Variants in TM9SF3 observed in about 807,000 individuals in gnomAD.
The protein encoded by TM9SF3 is SM-11044-binding protein.
Under a neutral mutation model 78.6 loss-of-function variants are expected in TM9SF3, and 14 were observed. The ratio of observed to expected loss-of-function variants is 0.18; its 90% CI spans 0.12 to 0.28. The LOEUF is 0.28. Among genes scored for constraint, TM9SF3 ranks in the 10% least tolerant of loss-of-function variants. The pLI is 1.00. For missense variants in TM9SF3, 496 were observed against 721.9 expected, an observed-to-expected ratio of 0.69 and a Z score of 3.59; for synonymous variants, 231 against 241.7, an observed-to-expected ratio of 0.96 and a Z score of 0.41.
At chr10:96,526,489 T>C (rs1847839591) in intron 14 of TM9SF3, among the ~76,000 whole-genome samples, 1 of 152,172 alleles carries the variant, frequency 6.6e-6, no homozygotes, top group Non-Finnish European at 1.5e-5. Context: ...TCATACTGTT[T>C]CCAAAAGTTC....
intron 8 of TM9SF3, 39 bp downstream of exon 8, chr10:96,547,856 T>A: frequency 1.3e-6 from 2 of 1,493,420 alleles, no homozygotes; most frequent in South Asian, 1.2e-5. Context: ...AATATTAGCA[T>A]CTATAATTAA....
intron 6 of TM9SF3, 115 bp from the exon 7 acceptor site, chr10:96,551,526 A>C: frequency 3.2e-6 from 2 of 631,364 alleles, no homozygotes; most frequent in East Asian, 3.2e-5. Context: ...ATAGCTAAAG[A>C]AATACAAAAT....
rs530027393 is a variant in TM9SF3, at chr10:96,578,062, C to T, written c.103-1233G>A. 3.3e-5 allele frequency among the ~76,000 whole-genome samples: 5 copies of T among 152,304 alleles called. No individual in the cohort carries two copies. In the South Asian group the frequency reaches 1.0e-3, roughly 32 times the overall value. On this transcript the variant is annotated intron_variant, in intron 1 of 14. Transcript: ENST00000371142. ...GACTCAAACCCCAAATCTCTCTGCA[C>T]TCTAGGGAACCCAAAAACATTAACT... is the stretch of plus-strand genomic sequence containing the variant.
At chr10:96,543,501 AT>A (rs879628949) in intron 9 of TM9SF3, 157 of 145,554 alleles carry the variant, frequency 1.1e-3, no homozygotes, top group Non-Finnish European at 1.1e-3. Context: ...CACCTGGCTA[AT>A]TTTTTTTTTT....
intron 8 of TM9SF3, among the ~76,000 whole-genome samples, chr10:96,545,706 G>A (rs1266592860): frequency 4.6e-5 from 7 of 152,042 alleles, no homozygotes; most frequent in Non-Finnish European, 4.4e-5. Flanking sequence ...CCTGGCCAAC[G>A]TGGTGAAACT....
chr10:96,539,242 G>T (rs144750050), intron 9 of TM9SF3, among the ~76,000 whole-genome samples: 1 of 152,148 alleles, frequency 6.6e-6, no homozygotes, highest in Non-Finnish European at 1.5e-5. Flanking sequence ...AGGCCAAGAT[G>T]GGTGGATCAC....
At position 96,553,108 on chromosome 10, in the gene TM9SF3, A is replaced by G. The variant is rs778059505; in HGVS notation, c.661-49T>C. 5.9e-6 allele frequency: 9 copies of G among 1,520,028 alleles called. No homozygotes were observed. The South Asian group carries it at 1.2e-4, about 20-fold the overall frequency. 94.2% of individuals were successfully genotyped at this position (1,520,028 alleles called of 1,614,324 possible). On this transcript the variant is annotated intron_variant, in intron 5 of 14. Coordinates refer to ENST00000371142, the MANE Select transcript of TM9SF3 (RefSeq NM_020123.4). ...TTACCAACCTGCAATATCAGCCACA[A>G]AATTCATAGGTTCCATGAGGACAAC... is the stretch of plus-strand genomic sequence containing the variant.
chr10:96,581,815 G>A (rs1848572776), intron 1 of TM9SF3, among the ~76,000 whole-genome samples: 1 of 152,264 alleles, frequency 6.6e-6, no homozygotes, highest in Admixed American at 6.5e-5. Context: ...TATTTATGAG[G>A]CAGAGGCTGA....
intron 4 of TM9SF3, chr10:96,560,953 A>C (rs1328483955): frequency 2.1e-6 from 1 of 473,158 alleles, no homozygotes; most frequent in Non-Finnish European, 3.9e-6. Flanking sequence ...TGGTAAATTA[A>C]GCCCAAAGAT....
At chr10:96,545,123 CA>C (rs1848081748) in intron 8 of TM9SF3, among the ~76,000 whole-genome samples, 1 of 152,086 alleles carries the variant, frequency 6.6e-6, no homozygotes, top group African/African-American at 2.4e-5. Flanking sequence ...AAAAAATCTT[CA>C]ATTTTGCTCA....
rs776214823 is a variant in TM9SF3, at chr10:96,528,196, G to T, written c.1395-19C>A. On this transcript the variant is annotated intron_variant, in intron 11 of 14. Coordinates refer to ENST00000371142, the MANE Select transcript of TM9SF3 (RefSeq NM_020123.4). ...GAAATACCTAAGTAAATGCAATAAA[G>T]ACACAGGTTTCCAGTCTTTATTCTT... 6 of 1,600,140 alleles carry T rather than the reference G, an allele frequency of 3.7e-6. No homozygotes were observed. Among genetic ancestry groups the T allele is most frequent in the Non-Finnish European group, 5.1e-6 (6 of 1,172,330 alleles).
chr10:96,559,534 T>A (rs971487155), intron 5 of TM9SF3, 125 bp downstream of exon 5: 2 of 579,532 alleles, frequency 3.5e-6, no homozygotes, highest in African/African-American at 1.9e-5. Context: ...ATACTTTAAA[T>A]CACCATTAGC....
At chr10:96,572,566 G>A (rs535511608) in intron 2 of TM9SF3, among the ~76,000 whole-genome samples, 6 of 136,910 alleles carry the variant, frequency 4.4e-5, no homozygotes, top group South Asian at 2.2e-4. Context: ...TTGCTCTGTC[G>A]CCCAGGCTGG....
At chr10:96,539,932 A>G (rs1848002940) in intron 9 of TM9SF3, among the ~76,000 whole-genome samples, 1 of 152,206 alleles carries the variant, frequency 6.6e-6, no homozygotes, top group South Asian at 2.1e-4. Context: ...CCACACCACT[A>G]GCTCTGCCTA....
intron 10 of TM9SF3, among the ~76,000 whole-genome samples, chr10:96,531,993 G>A (rs1055845545): frequency 2.6e-5 from 4 of 152,006 alleles, no homozygotes; most frequent in African/African-American, 9.7e-5. Context: ...GGCAGATCAC[G>A]AGGTTAGTAG....
intron 5 of TM9SF3, among the ~76,000 whole-genome samples, chr10:96,554,003 T>C (rs1201546110): frequency 6.6e-6 from 1 of 152,186 alleles, no homozygotes; most frequent in Non-Finnish European, 1.5e-5. Flanking sequence ...TCCTGTCTTC[T>C]ATGACACAAC....
Position 96,528,035 on chromosome 10 carries a change from G to T in TM9SF3, c.1537C>A (p.Arg513=), listed in dbSNP as rs12779720. The stretch of plus-strand genomic sequence containing the variant: ...TATCCACAAATAGGTACTTACCACC[G>T]GTAATCTTCTGCATTTAGTAGAAAA... The part of the protein sequence containing the change: ...TYFLLNAEDY[R]WQWTSFLSAA... The change falls in exon 12 of 15, where the codon CGG becomes AGG. Residue 513 remains arginine (R), a synonymous_variant. Transcript: ENST00000371142. 286,254 of 1,608,052 alleles carry T rather than the reference G, an allele frequency of 0.18. 27,746 individuals carry two copies. The highest frequency in any genetic ancestry group is 0.36 in the Admixed American group (21,277 of 59,562).
intron 9 of TM9SF3, among the ~76,000 whole-genome samples, chr10:96,539,957 TC>T (rs1848003227): frequency 6.6e-6 from 1 of 152,188 alleles, no homozygotes; most frequent in Non-Finnish European, 1.5e-5. Flanking sequence ...TTTGCGTTCT[TC>T]TGAAAACCAG....
At chr10:96,555,946 T>C (rs1848229422) in intron 5 of TM9SF3, among the ~76,000 whole-genome samples, 1 of 152,168 alleles carries the variant, frequency 6.6e-6, no homozygotes, top group African/African-American at 2.4e-5. Context: ...TTTTATATAG[T>C]TACTAGTAAC....
Sources: gnomAD v4.1 joint callset for allele counts (sites outside exome capture counted in the v4.1 genomes callset) on GRCh38, gnomAD v4.1.1 for gene constraint, MANE v1.5 for transcripts, NCBI Gene and HGNC (gene_info 2026-07-23, HGNC 2026-07-21) for gene names.